EGFR: variants seen among roughly 807,000 people sequenced by gnomAD.
EGFR encodes epidermal growth factor receptor.
EGFR carries 58 observed loss-of-function variants against 143.0 expected under a neutral mutation model. The ratio of observed to expected loss-of-function variants is 0.41; its 90% confidence interval spans 0.33 to 0.50. EGFR has a LOEUF of 0.50. Ranked by LOEUF, EGFR falls within the 20% of genes least tolerant of loss-of-function variation. The pLI is 0.39. For missense variants in EGFR, 1,307 were observed against 1,579.0 expected (o/e 0.83, Z 2.92); for synonymous variants, 613 against 594.4 (o/e 1.03, Z -0.45).
chr7:55,158,748 G>A (rs980260742), intron 11 of EGFR, among the ~76,000 whole-genome samples: 20 of 152,204 alleles, frequency 1.3e-4, no homozygotes, highest in African/African-American at 4.3e-4. Flanking sequence ...TCCAGGGTGT[G>A]ACTCACTGAG....
intron 1 of EGFR, among the ~76,000 whole-genome samples, chr7:55,127,267 G>A (rs1793583679): frequency 6.6e-6 from 1 of 152,176 alleles, no homozygotes; most frequent in Non-Finnish European, 1.5e-5. Flanking sequence ...GGAAGGAGAG[G>A]AAGCTGGGAG....
chr7:55,043,246 C>T (rs1385635402), intron 1 of EGFR, among the ~76,000 whole-genome samples: 1 of 152,166 alleles, frequency 6.6e-6, no homozygotes, highest in Non-Finnish European at 1.5e-5. Context: ...CTGAGACAAT[C>T]CTGTCCTCAT....
At chr7:55,167,709 G>A (rs1490253103) in intron 15 of EGFR, among the ~76,000 whole-genome samples, 1 of 152,112 alleles carries the variant, frequency 6.6e-6, no homozygotes, top group Non-Finnish European at 1.5e-5. Context: ...TGATGGTGGT[G>A]AGGACGTGGG....
intron 1 of EGFR, among the ~76,000 whole-genome samples, chr7:55,111,128 C>A (rs750551860): frequency 5.3e-5 from 8 of 152,220 alleles, no homozygotes; most frequent in Non-Finnish European, 2.9e-5. Context: ...CCAAGAAACC[C>A]TGCCAGCTGG....
chr7:55,101,316 A>G (rs75048196), intron 1 of EGFR, among the ~76,000 whole-genome samples: 2,348 of 152,316 alleles, frequency 0.015, 62 homozygotes, highest in African/African-American at 0.054. Context: ...GTACACTCAG[A>G]TGTGATATGC....
intron 1 of EGFR, among the ~76,000 whole-genome samples, chr7:55,109,133 G>C (rs1180459687): frequency 6.6e-6 from 1 of 152,154 alleles, no homozygotes; most frequent in African/African-American, 2.4e-5. Flanking sequence ...GCCTCCTTAG[G>C]CAAATAAATT....
rs1785473002 is a variant in EGFR at position 55,157,285 on chromosome 7, G to A, written c.1208-378G>A. On this transcript the variant is annotated intron_variant, in intron 10 of 27. Coordinates refer to ENST00000275493, the MANE Select transcript of EGFR (RefSeq NM_005228.5). ...ACCAAAATAACAAGACTGTTTTAAG[G>A]TTGGAATCAAATAAGGAAAATTTGT... 2.0e-5 allele frequency among the ~76,000 whole-genome samples: 3 copies of A among 152,252 alleles called. No individual in the cohort carries two copies. The South Asian group carries it at 6.2e-4, about 32-fold the overall frequency.
chr7:55,020,279 T>C (rs1438146548), intron 1 of EGFR, among the ~76,000 whole-genome samples: 1 of 152,206 alleles, frequency 6.6e-6, no homozygotes, highest in Non-Finnish European at 1.5e-5. Context: ...TCTCCTTCGA[T>C]GGCCGCCTCG....
At chr7:55,120,056 C>T (rs1044119810) in intron 1 of EGFR, among the ~76,000 whole-genome samples, 1 of 152,220 alleles carries the variant, frequency 6.6e-6, no homozygotes, top group East Asian at 1.9e-4. Flanking sequence ...CAAGTGAAAA[C>T]CTTCCTGTTT....
At chr7:55,073,509 G>T (rs1789953031) in intron 1 of EGFR, among the ~76,000 whole-genome samples, 1 of 152,164 alleles carries the variant, frequency 6.6e-6, no homozygotes, top group African/African-American at 2.4e-5. Flanking sequence ...CCCTAGCCAG[G>T]ACTTTGATTG....
At chr7:55,200,230 A>T (rs2128969637) in intron 23 of EGFR, 86 bp from the exon 24 acceptor site, 1 of 1,290,230 alleles carries the variant, frequency 7.8e-7, no homozygotes, top group Non-Finnish European at 1.1e-6. Context: ...GAAGTGTCGC[A>T]TCACCAATGC....
At chr7:55,127,682 A>T (rs911486850) in intron 1 of EGFR, among the ~76,000 whole-genome samples, 1 of 152,186 alleles carries the variant, frequency 6.6e-6, no homozygotes, top group Non-Finnish European at 1.5e-5. Context: ...CACCCCCCTT[A>T]TAAAGACTTG....
intron 1 of EGFR, among the ~76,000 whole-genome samples, chr7:55,127,054 T>TA (rs1793567919): frequency 6.6e-6 from 1 of 152,224 alleles, no homozygotes; most frequent in African/African-American, 2.4e-5. Flanking sequence ...ATGTACCATC[T>TA]AGTTAATAAG....
At chr7:55,074,747 C>G (rs116969504) in intron 1 of EGFR, among the ~76,000 whole-genome samples, 2,562 of 152,186 alleles carry the variant, frequency 0.017, 24 homozygotes, top group Non-Finnish European at 0.028. Context: ...AATTAGTAAG[C>G]AAATCAATTA....
At chr7:55,110,128 C>CT (rs1210351307) in intron 1 of EGFR, among the ~76,000 whole-genome samples, 3 of 151,750 alleles carry the variant, frequency 2.0e-5, no homozygotes, top group African/African-American at 2.4e-5. Context: ...AAGTTTTGAG[C>CT]TTTTTTTTAA....
chr7:55,028,249 T>G (rs899773383), intron 1 of EGFR, among the ~76,000 whole-genome samples: 1 of 152,028 alleles, frequency 6.6e-6, no homozygotes, highest in Admixed American at 6.6e-5. Context: ...TTCTTTCCTT[T>G]ACTCCAGGTT....
chr7:55,149,771 G>A (rs911138645), intron 4 of EGFR, among the ~76,000 whole-genome samples: 1 of 152,002 alleles, frequency 6.6e-6, no homozygotes, highest in African/African-American at 2.4e-5. Flanking sequence ...TAAATTTTGT[G>A]AACAAATTAT....
At chr7:55,083,649 T>C (rs1382440473) in intron 1 of EGFR, among the ~76,000 whole-genome samples, 1 of 152,248 alleles carries the variant, frequency 6.6e-6, no homozygotes, top group Non-Finnish European at 1.5e-5. Context: ...AGGGGAGATC[T>C]TTGCTGCATC....
Position 55,163,837 on chromosome 7 carries a change from G to A in EGFR, c.1722+14G>A, listed in dbSNP as rs2128944863. On this transcript the variant is annotated intron_variant, in intron 14 of 27. Coordinates refer to ENST00000275493, the MANE Select transcript of EGFR (RefSeq NM_005228.5). ...TGCACAGGACGGGTAAGAGCCCCTT[G>A]CTGCTATCCACGTCCATTTCATGGG... 8 of 1,613,964 alleles carry A rather than the reference G, an allele frequency of 5.0e-6. No homozygotes were observed. The highest frequency in any genetic ancestry group is 1.1e-5 in the South Asian group (1 of 91,082).
Sources: allele counts gnomAD v4.1 joint callset (sites outside exome capture counted in the v4.1 genomes callset), GRCh38; gene constraint gnomAD v4.1.1; transcripts MANE v1.5; gene names NCBI Gene and HGNC (gene_info 2026-07-23, HGNC 2026-07-21).